The following DCUN1D3 variants were observed in gnomAD, a reference collection of about 807,000 sequenced individuals.
DCUN1D3 encodes DCN1-like protein 3.
Under a neutral mutation model 24.8 loss-of-function variants are expected in DCUN1D3, and 6 were observed. The ratio of observed to expected loss-of-function variants is 0.24; its 90% CI spans 0.13 to 0.48. The LOEUF (loss-of-function observed/expected upper bound fraction) is 0.48, where lower values mean the gene tolerates loss of function less well. Among genes scored for constraint, DCUN1D3 ranks in the 20% least tolerant of loss-of-function variants. DCUN1D3 has a pLI of 0.99. For synonymous variants in DCUN1D3, 120 were observed against 144.9 expected (o/e 0.83, Z 1.24); for missense variants, 258 against 379.4 (o/e 0.68, Z 2.66).
intron 1 of DCUN1D3, among the ~76,000 whole-genome samples, chr16:20,890,439 C>G (rs559316257): frequency 6.6e-6 from 1 of 151,836 alleles, no homozygotes; most frequent in East Asian, 1.9e-4. Flanking sequence ...GCCTGGGCAA[C>G]AAGCAAGACT....
chr16:20,887,798 T>TG (rs2081874152), intron 1 of DCUN1D3, among the ~76,000 whole-genome samples: 1 of 152,260 alleles, frequency 6.6e-6, no homozygotes, highest in Non-Finnish European at 1.5e-5. Context: ...AAGTCTAATG[T>TG]GGTTTTGCCC....
At chr16:20,896,165 G>T (rs1201842244) in intron 1 of DCUN1D3, 3 of 152,194 alleles carry the variant, frequency 2.0e-5, no homozygotes, top group Non-Finnish European at 2.9e-5. Flanking sequence ...TATATTAAAT[G>T]CATTTTTTTA....
chr16:20,886,188 A>G (rs1402459064), intron 1 of DCUN1D3, among the ~76,000 whole-genome samples: 1 of 152,136 alleles, frequency 6.6e-6, no homozygotes, highest in Non-Finnish European at 1.5e-5. Flanking sequence ...GAGTTAGTCA[A>G]GTCTTTATTT....
intron 1 of DCUN1D3, among the ~76,000 whole-genome samples, chr16:20,866,316 C>G (rs2081761874): frequency 6.6e-6 from 1 of 152,216 alleles, no homozygotes; most frequent in South Asian, 2.1e-4. Flanking sequence ...AGACTGGCAA[C>G]TCTAATTCCC....
intron 1 of DCUN1D3, among the ~76,000 whole-genome samples, chr16:20,866,888 G>A (rs1287025218): frequency 6.6e-6 from 1 of 152,108 alleles, no homozygotes; most frequent in African/African-American, 2.4e-5. Context: ...CCCCTTCTCT[G>A]GGAAAATACT....
At position 20,855,978 on chromosome 16, in the gene DCUN1D3, T is replaced by C. The variant is rs1462664785; in HGVS notation, c.*3908A>G. 1.3e-5 allele frequency: 2 copies of C among 152,184 alleles called. No homozygotes were observed. The highest frequency in any genetic ancestry group is 2.4e-5 in the African/African-American group (1 of 41,438). 9.4% of individuals were successfully genotyped at this position (152,184 alleles called of 1,614,324 possible). A position where few individuals can be genotyped will look rare whatever the true frequency, so the allele number is the denominator to read the frequency against. ...GTCAGTTACCAAGATGCTCAAGTCA[T>C]AGCTAACCAAACATGAGAGACAAGA... On this transcript the variant is annotated 3_prime_UTR_variant, in exon 3 of 3. Transcript: ENST00000324344.
chr16:20,871,637 G>A (rs2081788691), intron 1 of DCUN1D3, among the ~76,000 whole-genome samples: 3 of 152,154 alleles, frequency 2.0e-5, no homozygotes, highest in South Asian at 2.1e-4. Context: ...GCCAACACAC[G>A]CACATACTAT....
intron 1 of DCUN1D3, among the ~76,000 whole-genome samples, chr16:20,890,307 G>A (rs1329260393): frequency 6.6e-6 from 1 of 152,088 alleles, no homozygotes; most frequent in African/African-American, 2.4e-5. Flanking sequence ...CATCTGAAGT[G>A]GGGCAATTTT....
chr16:20,885,217 C>A (rs986563605), intron 1 of DCUN1D3, among the ~76,000 whole-genome samples: 1 of 152,002 alleles, frequency 6.6e-6, no homozygotes, highest in Non-Finnish European at 1.5e-5. Flanking sequence ...CTCGTGATTC[C>A]GCCCGCCTCA....
intron 1 of DCUN1D3, among the ~76,000 whole-genome samples, chr16:20,879,431 T>C (rs981915442): frequency 4.8e-4 from 73 of 152,228 alleles, no homozygotes; most frequent in African/African-American, 1.6e-3. Context: ...TAAACCTTTT[T>C]TGAGGCTGGT....
intron 1 of DCUN1D3, among the ~76,000 whole-genome samples, chr16:20,893,804 T>C (rs1342253343): frequency 1.3e-5 from 2 of 152,184 alleles, no homozygotes; most frequent in Non-Finnish European, 2.9e-5. Context: ...ATTAACAGCA[T>C]TCAAAGTAGT....
intron 1 of DCUN1D3, among the ~76,000 whole-genome samples, chr16:20,897,149 A>G (rs897785150): frequency 6.6e-6 from 1 of 152,252 alleles, no homozygotes; most frequent in Non-Finnish European, 1.5e-5. Flanking sequence ...CCTGGCTCAA[A>G]GAGCCAATTC....
At chr16:20,891,256 T>A (rs1162430576) in intron 1 of DCUN1D3, among the ~76,000 whole-genome samples, 3 of 152,140 alleles carry the variant, frequency 2.0e-5, no homozygotes, top group African/African-American at 7.2e-5. Context: ...CCTCCCAAAG[T>A]GCTGGGATTA....
At chr16:20,863,010 G>T (rs1263780526) in intron 1 of DCUN1D3, among the ~76,000 whole-genome samples, 3 of 152,164 alleles carry the variant, frequency 2.0e-5, no homozygotes, top group African/African-American at 4.8e-5. Context: ...TAAGCCAGAA[G>T]GCACAAAGGA....
chr16:20,866,907 C>G (rs564314214), intron 1 of DCUN1D3, among the ~76,000 whole-genome samples: 159 of 152,286 alleles, frequency 1.0e-3, no homozygotes, highest in Non-Finnish European at 2.0e-3. Flanking sequence ...CTTTTGCTCT[C>G]CCAGAGCTTT....
chr16:20,873,746 C>T (rs548274984), intron 1 of DCUN1D3, among the ~76,000 whole-genome samples: 1 of 152,266 alleles, frequency 6.6e-6, no homozygotes, highest in East Asian at 1.9e-4. Flanking sequence ...AGGATATGCC[C>T]ATGACAAGCC....
At chr16:20,887,066 C>A (rs574234230) in intron 1 of DCUN1D3, among the ~76,000 whole-genome samples, 1 of 152,300 alleles carries the variant, frequency 6.6e-6, no homozygotes, top group East Asian at 1.9e-4. Context: ...GTAATCCCAG[C>A]ACTTTGGGAG....
intron 1 of DCUN1D3, among the ~76,000 whole-genome samples, chr16:20,899,373 A>G (rs1359009074): frequency 2.0e-5 from 3 of 152,246 alleles, no homozygotes; most frequent in East Asian, 1.9e-4. Context: ...TCCAGTATTC[A>G]TAAAAGAAAA....
intron 1 of DCUN1D3, among the ~76,000 whole-genome samples, chr16:20,869,480 C>T (rs978077067): frequency 7.9e-5 from 12 of 152,156 alleles, no homozygotes; most frequent in Non-Finnish European, 1.3e-4. Flanking sequence ...TTGCAGCTTT[C>T]ATAGATTAGG....
Sources: allele counts gnomAD v4.1 joint callset (sites outside exome capture counted in the v4.1 genomes callset), GRCh38; gene constraint gnomAD v4.1.1; transcripts MANE v1.5; gene names NCBI Gene and HGNC (gene_info 2026-07-23, HGNC 2026-07-21).